Variants in EPHA7 observed in about 807,000 individuals in gnomAD.
EPHA7 encodes the protein EPH receptor A7, also known as ephrin type-A receptor 7.
In EPHA7, 25 loss-of-function variants were observed where a neutral mutation model predicts 112.6. The observed-to-expected ratio is 0.22, with a 90% confidence interval of 0.16 to 0.31. The LOEUF (loss-of-function observed/expected upper bound fraction) is 0.31. Among genes scored for constraint, EPHA7 ranks in the 10% least tolerant of loss-of-function variants. The pLI is 1.00. For synonymous variants in EPHA7, 437 were observed against 406.5 expected (o/e 1.07, Z -0.90); for missense variants, 962 against 1,212.6 (o/e 0.79, Z 3.07).
At chr6:93,280,519 T>C (rs1376021966) in intron 5 of EPHA7, among the ~76,000 whole-genome samples, 1 of 152,196 alleles carries the variant, frequency 6.6e-6, no homozygotes, top group Non-Finnish European at 1.5e-5. Context: ...ACACAATGTG[T>C]CATTCAATTA....
At chr6:93,322,425 T>C (rs745333430) in intron 5 of EPHA7, among the ~76,000 whole-genome samples, 40 of 151,644 alleles carry the variant, frequency 2.6e-4, no homozygotes, top group Non-Finnish European at 5.3e-4. Flanking sequence ...TTTTATAAAA[T>C]ATAAAGCCCC....
At chr6:93,416,217 A>C (rs773915740) in intron 1 of EPHA7, among the ~76,000 whole-genome samples, 116 of 152,258 alleles carry the variant, frequency 7.6e-4, no homozygotes, top group Non-Finnish European at 9.3e-4. Flanking sequence ...TAGCGAATTT[A>C]TATAAAAAGT....
Position 93,370,666 on chromosome 6 carries a change from A to C in EPHA7, c.833-12255T>G, listed in dbSNP as rs553506564. Among the ~76,000 whole-genome samples the C allele has an allele frequency of 1.4e-3, 206 of 152,276 alleles. 1 individual carries two copies. The highest frequency in any genetic ancestry group is 4.8e-3 in the African/African-American group (199 of 41,556). On this transcript the variant is annotated intron_variant, in intron 3 of 16. Transcript: ENST00000369303. ...TATATATTCACACACCCTTCTGTAC[A>C]TTTGGTTTCCTATTACATTTCATAT...
chr6:93,295,753 T>C (rs1170739069), intron 5 of EPHA7, among the ~76,000 whole-genome samples: 1 of 151,804 alleles, frequency 6.6e-6, no homozygotes, highest in Non-Finnish European at 1.5e-5. Flanking sequence ...CTACTATCTA[T>C]TTTTGTCACC....
At chr6:93,373,092 G>A (rs758305631) in intron 3 of EPHA7, among the ~76,000 whole-genome samples, 2 of 151,884 alleles carry the variant, frequency 1.3e-5, no homozygotes, top group Non-Finnish European at 2.9e-5. Flanking sequence ...ATATTTAATT[G>A]TGATACATGA....
chr6:93,342,041 A>G (rs984518606), intron 5 of EPHA7, among the ~76,000 whole-genome samples: 1 of 151,788 alleles, frequency 6.6e-6, no homozygotes, highest in African/African-American at 2.4e-5. Flanking sequence ...TGCCAGCAAT[A>G]AAGGCCGAAA....
At chr6:93,278,597 C>T (rs970467957) in intron 5 of EPHA7, among the ~76,000 whole-genome samples, 3 of 152,082 alleles carry the variant, frequency 2.0e-5, no homozygotes, top group Non-Finnish European at 4.4e-5. Flanking sequence ...TTACTATATG[C>T]AAGGCATTGT....
At chr6:93,334,105 C>T (rs1217512736) in intron 5 of EPHA7, among the ~76,000 whole-genome samples, 1 of 151,900 alleles carries the variant, frequency 6.6e-6, no homozygotes, top group Non-Finnish European at 1.5e-5. Context: ...TAAAGCTGCA[C>T]ACCTATAGTC....
intron 5 of EPHA7, among the ~76,000 whole-genome samples, chr6:93,347,210 T>C (rs1409670099): frequency 6.6e-6 from 1 of 151,862 alleles, no homozygotes; most frequent in Non-Finnish European, 1.5e-5. Context: ...TGCCAAGAAT[T>C]TGACAAACTT....
chr6:93,324,231 T>C (rs1334145981), intron 5 of EPHA7, among the ~76,000 whole-genome samples: 1 of 151,418 alleles, frequency 6.6e-6, no homozygotes, highest in African/African-American at 2.4e-5. Flanking sequence ...TATGAGTATA[T>C]TAACTAACAT....
intron 3 of EPHA7, among the ~76,000 whole-genome samples, chr6:93,388,054 T>C (rs763520373): frequency 1.2e-4 from 18 of 151,972 alleles, no homozygotes; most frequent in South Asian, 2.1e-4. Flanking sequence ...ATAAAGAACA[T>C]AGAGTAATCC....
chr6:93,345,060 T>C (rs907431246), intron 5 of EPHA7, among the ~76,000 whole-genome samples: 2 of 151,660 alleles, frequency 1.3e-5, no homozygotes, highest in African/African-American at 4.8e-5. Flanking sequence ...TTAAAGAACA[T>C]ATGTTTATTA....
In EPHA7 at chr6:93,240,242, T is replaced by C. The variant is rs1769634012; in HGVS notation, c.*3184A>G. 1 of 224,496 alleles carries C rather than the reference T, an allele frequency of 4.5e-6. No individual in the cohort carries two copies. Among genetic ancestry groups the C allele is most frequent in the African/African-American group, 2.2e-5 (1 of 44,998 alleles). 13.9% of individuals were successfully genotyped at this position (224,496 alleles called of 1,614,324 possible). A position where few individuals can be genotyped will look rare whatever the true frequency, so the allele number is the denominator to read the frequency against. ...CTCGCCCCGAGTTCCCCATGATTTC[T>C]CCACATATAGCAAAAAAATACACAT... On this transcript the variant is annotated 3_prime_UTR_variant, in exon 17 of 17. Transcript: ENST00000369303.
At chr6:93,301,512 A>C (rs948895041) in intron 5 of EPHA7, among the ~76,000 whole-genome samples, 2 of 152,190 alleles carry the variant, frequency 1.3e-5, no homozygotes, top group Non-Finnish European at 1.5e-5. Context: ...AAGTTGTTAA[A>C]TACTTTATAA....
chr6:93,348,964 C>G (rs925251359), intron 5 of EPHA7, among the ~76,000 whole-genome samples: 2 of 151,710 alleles, frequency 1.3e-5, no homozygotes, highest in Non-Finnish European at 2.9e-5. Flanking sequence ...ATATGATACA[C>G]TTAGTATAAG....
In EPHA7 at chr6:93,269,471, A is replaced by G. The variant is rs761569411; in HGVS notation, c.1633+6T>C. On this transcript the variant is annotated splice_donor_region_variant and intron_variant, in intron 7 of 16. Coordinates refer to ENST00000369303, the MANE Select transcript of EPHA7 (RefSeq NM_004440.4). ...GAGTAGGAATCCAAACCAAAGGCAT[A>G]ATTACCTTCAAACATTTTACCTGTA... is the stretch of plus-strand genomic sequence containing the variant. 25 of 1,609,674 alleles carry G rather than the reference A, an allele frequency of 1.6e-5. No homozygotes were observed. The East Asian group carries it at 5.6e-4, about 36-fold the overall frequency.
intron 3 of EPHA7, among the ~76,000 whole-genome samples, chr6:93,389,960 T>A (rs1042107664): frequency 6.6e-6 from 1 of 151,954 alleles, no homozygotes; most frequent in African/African-American, 2.4e-5. Context: ...TGTAAAAGAT[T>A]GTCAGTGAAT....
intron 5 of EPHA7, among the ~76,000 whole-genome samples, chr6:93,353,038 C>T (rs1775773977): frequency 6.6e-6 from 1 of 151,998 alleles, no homozygotes; most frequent in South Asian, 2.1e-4. Context: ...ATTCCCATGA[C>T]ACAAGTTTGC....
intron 4 of EPHA7, 125 bp from the exon 5 acceptor site, chr6:93,357,177 T>G (rs920613089): frequency 2.9e-6 from 2 of 687,294 alleles, no homozygotes; most frequent in African/African-American, 3.6e-5. Context: ...AGAAAACGAG[T>G]TGAAATGCTT....
Sources: gnomAD v4.1 joint callset for allele counts (sites outside exome capture counted in the v4.1 genomes callset) on GRCh38, gnomAD v4.1.1 for gene constraint, MANE v1.5 for transcripts, NCBI Gene and HGNC (gene_info 2026-07-23, HGNC 2026-07-21) for gene names.